Variants in CCNY observed in about 807,000 individuals in gnomAD.
CCNY encodes the protein cyclin-Y.
A neutral mutation model predicts 42.8 loss-of-function variants in CCNY; 19 were observed. The observed-to-expected ratio is 0.44, with a 90% CI of 0.31 to 0.65. The LOEUF (loss-of-function observed/expected upper bound fraction) is 0.65, where lower values mean the gene tolerates loss of function less well. Ranked by LOEUF, CCNY falls within the 30% of genes least tolerant of loss-of-function variation. The pLI is 0.07. For missense variants in CCNY, 370 were observed against 437.3 expected (o/e 0.85, Z 1.37); for synonymous variants, 165 against 162.7 (o/e 1.01, Z -0.11).
Position 35,566,178 on chromosome 10 carries a change from A to C in CCNY, c.902A>C (p.Lys301Thr), listed in dbSNP as rs1337218922. 2.5e-6 allele frequency: 4 copies of C among 1,613,492 alleles called. No individual in the cohort carries two copies. The highest frequency in any genetic ancestry group is 3.4e-6 in the Non-Finnish European group (4 of 1,179,830). The change falls in exon 9 of 10, where the codon AAG (lysine) becomes ACG (threonine). Residue 301 changes from lysine to threonine, a missense_variant. Lys to Thr is a moderately conservative substitution (Grantham distance 78, BLOSUM62 -1). This residue lies in a region of CCNY where 234 missense variants were observed against 313.1 expected (regional missense o/e 0.75). Transcript: ENST00000374704. ...LEPLSRERAH[K>T]LEAISRLCED... is the part of the protein sequence containing the mutation. ...CCCCTGAGCAGGGAGAGGGCTCACA[A>C]GCTTGAGGTAAGATGGTTTAAAACA...
intron 3 of CCNY, among the ~76,000 whole-genome samples, chr10:35,269,618 T>TTTTG (rs1488727473): frequency 5.7e-5 from 7 of 122,868 alleles, no homozygotes; most frequent in African/African-American, 2.6e-4. Context: ...TTCGCCACTC[T>TTTTG]TTTTTTTTTT....
At chr10:35,534,615 T>C (rs1004587288) in intron 7 of CCNY, among the ~76,000 whole-genome samples, 14 of 152,132 alleles carry the variant, frequency 9.2e-5, no homozygotes, top group Non-Finnish European at 1.6e-4. Context: ...TTATATACCA[T>C]ACAATTCAGC....
At chr10:35,534,999 ATGTGTGTGTGTGTGTGTG>A (rs59534409) in intron 7 of CCNY, among the ~76,000 whole-genome samples, 1 of 133,500 alleles carries the variant, frequency 7.5e-6, no homozygotes, top group Non-Finnish European at 1.6e-5. Context: ...ATCTATATAT[ATGTGTGTGTGTGTGTGTG>A]TGTGTGTGTG....
chr10:35,405,682 G>C (rs1370646861), intron 1 of CCNY, among the ~76,000 whole-genome samples: 1 of 152,284 alleles, frequency 6.6e-6, no homozygotes, highest in East Asian at 1.9e-4. Context: ...TAATGATTAA[G>C]AAGGGGACGG....
At chr10:35,431,589 A>T (rs549822296) in intron 1 of CCNY, among the ~76,000 whole-genome samples, 1 of 151,632 alleles carries the variant, frequency 6.6e-6, no homozygotes, top group African/African-American at 2.4e-5. Flanking sequence ...CTGTCCGTCA[A>T]ATGCTTTGGA....
chr10:35,265,674 C>A (rs564004256), intron 3 of CCNY, among the ~76,000 whole-genome samples: 64 of 152,348 alleles, frequency 4.2e-4, no homozygotes, highest in Middle Eastern at 3.4e-3. Flanking sequence ...TGCACACAGG[C>A]GTCCTGTCAC....
intron 1 of CCNY, among the ~76,000 whole-genome samples, chr10:35,397,548 A>C (rs3013374): frequency 0.031 from 4,779 of 152,192 alleles, 92 homozygotes; most frequent in African/African-American, 0.039. Flanking sequence ...GAATTCTAGG[A>C]GGTAGGGGAG....
Position 35,304,553 on chromosome 10 carries a change from G to A in CCNY, c.-9+53927G>A, listed in dbSNP as rs533260047. On this transcript the variant is annotated intron_variant, in intron 3 of 11. Transcript: ENST00000374706. ...TCTCGATCTCTTGACCTCGTGATCC[G>A]CCCGCCTCGGCCTCCCAAAGTGCTG... Among the ~76,000 whole-genome samples the A allele has an allele frequency of 1.3e-4, 19 of 142,672 alleles. 5 individuals are homozygous for A. The highest frequency in any genetic ancestry group is 2.7e-4 in the Non-Finnish European group (18 of 66,006). 93.6% of individuals were successfully genotyped at this position (142,672 alleles called of 152,430 possible). A position where few individuals can be genotyped will look rare whatever the true frequency, so the allele number is the denominator to read the frequency against.
At chr10:35,492,672 A>G (rs1839923928) in intron 2 of CCNY, among the ~76,000 whole-genome samples, 1 of 152,260 alleles carries the variant, frequency 6.6e-6, no homozygotes, top group Non-Finnish European at 1.5e-5. Context: ...TGGCTAGCAC[A>G]TAGAAGAAAC....
At chr10:35,289,448 T>C (rs1257271153) in intron 3 of CCNY, 2 of 152,232 alleles carry the variant, frequency 1.3e-5, no homozygotes, top group African/African-American at 4.8e-5. Flanking sequence ...ATTCTTGCTT[T>C]GTTCCCAATC....
chr10:35,389,516 T>G (rs1048626766), intron 1 of CCNY, among the ~76,000 whole-genome samples: 14 of 151,052 alleles, frequency 9.3e-5, no homozygotes, highest in African/African-American at 3.4e-4. Context: ...CTCGGCTTGC[T>G]GCAACCTCTG....
chr10:35,474,991 G>A lies in CCNY; in HGVS notation c.155-8413G>A, dbSNP rs572885213. On this transcript the variant is annotated intron_variant, in intron 1 of 9. Transcript: ENST00000374704. ...CTGAAAACCAAGGCTCGAGAACTAC[G>A]TGAAGAATGCAGAAGCCTCAGGAGC... Among the ~76,000 whole-genome samples the A allele has an allele frequency of 4.6e-5, 7 of 152,240 alleles. No homozygotes were observed. In the South Asian group the frequency reaches 1.5e-3, roughly 32 times the overall value.
chr10:35,250,151 G>T (rs1357758372), intron 2 of CCNY, among the ~76,000 whole-genome samples: 6 of 144,800 alleles, frequency 4.1e-5, no homozygotes, highest in African/African-American at 1.3e-4. Flanking sequence ...CTAAGATCGT[G>T]CCACTGCACT....
intron 1 of CCNY, among the ~76,000 whole-genome samples, chr10:35,380,348 T>A (rs941200250): frequency 6.6e-6 from 1 of 152,240 alleles, no homozygotes; most frequent in Non-Finnish European, 1.5e-5. Flanking sequence ...TCTTTCCCTT[T>A]CTCTCCCACT....
chr10:35,354,843 C>A (rs994423488), intron 1 of CCNY, among the ~76,000 whole-genome samples: 9 of 146,816 alleles, frequency 6.1e-5, no homozygotes, highest in African/African-American at 2.2e-4. Context: ...GCAGCTTTCT[C>A]CTTCAGTATC....
At chr10:35,351,088 T>A (rs775777334) in intron 1 of CCNY, among the ~76,000 whole-genome samples, 2 of 152,194 alleles carry the variant, frequency 1.3e-5, no homozygotes, top group Non-Finnish European at 2.9e-5. Context: ...GTTATCATTA[T>A]AAGAGAGTAG....
At chr10:35,480,534 CTG>C (rs2135362853) in intron 1 of CCNY, among the ~76,000 whole-genome samples, 1 of 152,202 alleles carries the variant, frequency 6.6e-6, no homozygotes, top group Admixed American at 6.5e-5. Context: ...CTTGGTGACT[CTG>C]TGTGAATCTC....
At chr10:35,477,244 T>G (rs1441883902) in intron 1 of CCNY, among the ~76,000 whole-genome samples, 1 of 152,112 alleles carries the variant, frequency 6.6e-6, no homozygotes, top group Non-Finnish European at 1.5e-5. Context: ...CTGAAACGAT[T>G]CCAATCAATA....
chr10:35,331,215 G>C (rs568206311), intron 3 of CCNY, among the ~76,000 whole-genome samples: 2 of 152,164 alleles, frequency 1.3e-5, no homozygotes, highest in Non-Finnish European at 2.9e-5. Context: ...ACAGCCATTG[G>C]GGAGCACAGT....
Sources: gnomAD v4.1 joint callset for allele counts (sites outside exome capture counted in the v4.1 genomes callset) on GRCh38, gnomAD v4.1.1 for gene constraint, gnomAD v4.1.1 regional missense constraint, MANE v1.5 for transcripts, NCBI Gene and HGNC (gene_info 2026-07-23, HGNC 2026-07-21) for gene names.